CES2: variants seen among roughly 807,000 people sequenced by gnomAD.
CES2 encodes the protein carboxylesterase 2.
Under a neutral mutation model 52.1 loss-of-function variants are expected in CES2, and 42 were observed. That is an observed-to-expected ratio of 0.81 (90% CI 0.63 to 1.04). CES2 has a LOEUF of 1.04. Ranked by LOEUF, CES2 falls within the 50% of genes least tolerant of loss-of-function variation. The pLI, the probability that CES2 is intolerant of heterozygous loss-of-function variation, is 0.00. For missense variants in CES2, 656 were observed against 724.3 expected, an observed-to-expected ratio of 0.91 and a Z score of 1.08; for synonymous variants, 277 against 289.6, an observed-to-expected ratio of 0.96 and a Z score of 0.44.
Position 66,941,833 on chromosome 16 carries a change from A to G in CES2, c.1122A>G (p.Lys374=). 6.2e-7 allele frequency: 1 copy of G among 1,614,086 alleles called. No homozygotes were observed. ...DREASQAALQ[K]MLTLLMLPPT... is the part of the protein sequence containing the mutation. ...AGGCCTCCCAGGCTGCTCTGCAGAAAATGTTAACGCTGCTGGTAAGGCTCC... is the reference window on the plus strand; with the variant it reads ...AGGCCTCCCAGGCTGCTCTGCAGAAGATGTTAACGCTGCTGGTAAGGCTCC... Residue 374 remains lysine (K), a synonymous_variant, in exon 8 of 12, where the codon AAA becomes AAG. Transcript: ENST00000317091.
chr16:66,939,664 C>A (rs1288572630), intron 3 of CES2, among the ~76,000 whole-genome samples: 1 of 152,232 alleles, frequency 6.6e-6, no homozygotes, highest in African/African-American at 2.4e-5. Context: ...TGACCAAGAA[C>A]CCCAGCCATG....
chr16:66,935,192 C>T, upstream of CES2: 1 of 422,850 alleles, frequency 2.4e-6, no homozygotes, highest in Non-Finnish European at 4.2e-6. Context: ...ATTTCTCCAT[C>T]TGGGGGATCC....
rs1210146178 is a variant in CES2, at chr16:66,940,686, C to T, written c.807C>T (p.Val269=). 1 of 1,613,956 alleles carries T rather than the reference C, an allele frequency of 6.2e-7. No homozygotes were observed. The highest frequency in any genetic ancestry group is 1.3e-5 in the African/African-American group (1 of 74,942). The change falls in exon 5 of 12, where the codon GTC becomes GTT. Residue 269 remains valine, a synonymous_variant. Coordinates refer to ENST00000317091, the MANE Select transcript of CES2 (RefSeq NM_001365405.1). Reference sequence around the variant, plus strand: ...GCCTCATTGCCAGCTCAGCTGATGTCATCTCCACGGTGAGTGCCCTCAGCT... The same window carrying T: ...GCCTCATTGCCAGCTCAGCTGATGTTATCTCCACGGTGAGTGCCCTCAGCT... ...LPGLIASSAD[V]ISTVVANLSA... is the part of the protein sequence containing the mutation.
At chr16:66,937,974 C>T in intron 1 of CES2, 63 bp from the exon 2 acceptor site, 1 of 1,373,810 alleles carries the variant, frequency 7.3e-7, no homozygotes, top group Non-Finnish European at 1.0e-6. Flanking sequence ...GCAGCAATAC[C>T]AACAGTTGGG....
intron 2 of CES2, 128 bp downstream of exon 2, chr16:66,938,369 G>A (rs958161556): frequency 4.4e-6 from 3 of 687,074 alleles, no homozygotes; most frequent in Non-Finnish European, 7.6e-6. Flanking sequence ...TGAGTTTCGT[G>A]GATTCCCACG....
Position 66,940,537 on chromosome 16 carries a change from GACCGTGTC to G in CES2, c.662_669del (p.Arg221HisfsTer45), listed in dbSNP as rs768033054. ...TATCGCCCACTTTGGAGGCAACCCT[GACCGTGTC>G]ACCATTTTTGGCGAGTCTGCGGGTG... On this transcript the variant is annotated frameshift_variant, in exon 5 of 12. Transcript: ENST00000317091. LOFTEE classifies it high-confidence loss of function. The G allele has an allele frequency of 2.2e-5, 35 of 1,614,130 alleles. No homozygotes were observed. The African/African-American group carries it at 4.1e-4, about 19-fold the overall frequency.
chr16:66,935,286 C>T (rs554808577), upstream of CES2: 4 of 789,706 alleles, frequency 5.1e-6, no homozygotes, highest in African/African-American at 1.7e-5. Context: ...CCAGCGCGCT[C>T]ATCGGGCCTG....
chr16:66,941,194 G>A lies in CES2; in HGVS notation c.887G>A (p.Ser296Asn). 1 of 1,614,166 alleles carries A rather than the reference G, an allele frequency of 6.2e-7. No individual in the cohort carries two copies. The highest frequency in any genetic ancestry group is 2.2e-5 in the East Asian group (1 of 44,886). The change falls in exon 6 of 12, where the codon AGT (serine) becomes AAT (asparagine). Residue 296 changes from serine (S) to asparagine (N), a missense_variant. By Grantham distance (46) the Ser-to-Asn change is conservative. Coordinates refer to ENST00000317091, the MANE Select transcript of CES2 (RefSeq NM_001365405.1). The stretch of plus-strand genomic sequence containing the variant: ...CTGGTGGGCTGCCTGCGGGGCAAGA[G>A]TAAAGAGGAGATTCTTGCAATTAAC... ...EALVGCLRGK[S>N]KEEILAINKP... is the part of the protein sequence containing the mutation.
chr16:66,940,838 C>A, intron 5 of CES2, 143 bp downstream of exon 5: 1 of 1,191,270 alleles, frequency 8.4e-7, no homozygotes, highest in Non-Finnish European at 1.1e-6. Flanking sequence ...CTGGGGGGCT[C>A]CAGGGTCAGA....
At chr16:66,941,261 A>G (rs774048044) in intron 6 of CES2, 39 bp downstream of exon 6, 3 of 1,608,816 alleles carry the variant, frequency 1.9e-6, no homozygotes, top group Non-Finnish European at 2.5e-6. Flanking sequence ...GAAGGGGTGC[A>G]ATAGGCATGG....
At position 66,943,556 on chromosome 16, in the gene CES2, C is replaced by T; in HGVS notation, c.1493+185C>T. On this transcript the variant is annotated intron_variant, in intron 11 of 11. Transcript: ENST00000317091. The surrounding 1 kb of genome is among the most constrained non-coding windows in gnomAD (Gnocchi z 4.2). The stretch of plus-strand genomic sequence containing the variant: ...GTGGGGCAGTGGACACGCTCTATCT[C>T]TCCAGTCTACCTGGAGGGTGGGCGC... 1 of 634,944 alleles carries T rather than the reference C, an allele frequency of 1.6e-6. No individual in the cohort carries two copies. Among genetic ancestry groups the T allele is most frequent in the Non-Finnish European group, 2.7e-6 (1 of 367,124 alleles). The allele number at this position is 634,944 out of a possible 1,614,324, so 39.3% of individuals were successfully genotyped here.
intron 5 of CES2, 55 bp from the exon 6 acceptor site, chr16:66,941,069 A>G (rs1471413905): frequency 5.0e-6 from 8 of 1,605,786 alleles, no homozygotes; most frequent in Admixed American, 1.7e-5. Flanking sequence ...GCCTTGGGCA[A>G]ACTCCTCTCC....
At chr16:66,935,898 A>G in intron 1 of CES2, 187 bp downstream of exon 1, 1 of 1,463,890 alleles carries the variant, frequency 6.8e-7, no homozygotes. Context: ...AAGCACAGAA[A>G]GGGTCGGGCT....
Position 66,940,186 on chromosome 16 carries a change from G to A in CES2, c.424-36G>A, listed in dbSNP as rs1454770677. ...GTGGCCCTGGTGGGGTTTGGGCTGGGTGGGAGCATCATGGTAGCTGCCTTG... is the reference window on the plus strand; with the variant it reads ...GTGGCCCTGGTGGGGTTTGGGCTGGATGGGAGCATCATGGTAGCTGCCTTG... On this transcript the variant is annotated intron_variant, in intron 3 of 11. Coordinates refer to ENST00000317091, the MANE Select transcript of CES2 (RefSeq NM_001365405.1). The A allele has an allele frequency of 1.1e-5, 17 of 1,609,884 alleles. 1 individual carries two copies. Among genetic ancestry groups the A allele is most frequent in the South Asian group, 4.4e-5 (4 of 90,410 alleles).
chr16:66,936,581 G>T (rs1322904668), intron 1 of CES2, among the ~76,000 whole-genome samples: 1 of 152,092 alleles, frequency 6.6e-6, no homozygotes, highest in Admixed American at 6.6e-5. Flanking sequence ...CTCATCCTGG[G>T]CAAGGGCACA....
At position 66,943,681 on chromosome 16, in the gene CES2, G is replaced by A. The variant is rs1313299660; in HGVS notation, c.1494-158G>A. On this transcript the variant is annotated intron_variant, in intron 11 of 11. Transcript: ENST00000317091. The surrounding 1 kb of genome is among the most constrained non-coding windows in gnomAD (Gnocchi z 4.2). The stretch of plus-strand genomic sequence containing the variant: ...CCACTGGTGCTGACACTAGCCAGAG[G>A]GAGCTTATTTCCTGTTTCTGGAAGC... 1.6e-6 allele frequency: 1 copy of A among 611,678 alleles called. No homozygotes were observed. Among genetic ancestry groups the A allele is most frequent in the Admixed American group, 3.1e-5 (1 of 32,512 alleles). 37.9% of individuals were successfully genotyped at this position (611,678 alleles called of 1,614,324 possible). A position where few individuals can be genotyped will look rare whatever the true frequency, so the allele number is the denominator to read the frequency against.
intron 6 of CES2, 64 bp from the exon 7 acceptor site, chr16:66,941,442 C>T (rs1448807509): frequency 6.3e-7 from 1 of 1,589,598 alleles, no homozygotes; most frequent in Non-Finnish European, 8.6e-7. Context: ...GTGGAAGGTA[C>T]TCAGAGGGCA....
Position 66,940,424 on chromosome 16 carries a change from T to C in CES2, c.558-13T>C, listed in dbSNP as rs1308692022. On this transcript the variant is annotated splice_polypyrimidine_tract_variant and intron_variant, in intron 4 of 11. Coordinates refer to ENST00000317091, the MANE Select transcript of CES2 (RefSeq NM_001365405.1). ...AGGACAGCCCTGTGATCCCTGTCCCTGCTACTTCTCAGCACTGGAGACAAG... is the reference window on the plus strand; with the variant it reads ...AGGACAGCCCTGTGATCCCTGTCCCCGCTACTTCTCAGCACTGGAGACAAG... The C allele has an allele frequency of 1.2e-6, 2 of 1,614,050 alleles. No homozygotes were observed. Among genetic ancestry groups the C allele is most frequent in the Admixed American group, 3.3e-5 (2 of 60,030 alleles).
At chr16:66,936,046 TTG>T in intron 1 of CES2, 1 of 1,249,498 alleles carries the variant, frequency 8.0e-7, no homozygotes. Context: ...CCTCTTATGA[TTG>T]TGGCTGTAGC....
Sources: gnomAD v4.1 joint callset for allele counts (sites outside exome capture counted in the v4.1 genomes callset) on GRCh38, gnomAD v4.1.1 for gene constraint, Gnocchi (gnomAD v3.1) non-coding constraint, MANE v1.5 for transcripts, NCBI Gene and HGNC (gene_info 2026-07-23, HGNC 2026-07-21) for gene names.